Variants in GPC5 observed in about 807,000 individuals in gnomAD.
GPC5 encodes the protein glypican-5.
A neutral mutation model predicts 53.9 loss-of-function variants in GPC5; 47 were observed. That is an observed-to-expected ratio of 0.87 (90% CI 0.69 to 1.11). The LOEUF is 1.11. GPC5 is among the 50% of genes most tolerant of loss of function. GPC5 has a pLI of 0.00. For missense variants in GPC5, 748 were observed against 713.1 expected (o/e 1.05, Z -0.56); for synonymous variants, 286 against 263.3 (o/e 1.09, Z -0.84).
intron 3 of GPC5, among the ~76,000 whole-genome samples, chr13:91,721,515 G>A (rs1218340063): frequency 6.6e-6 from 1 of 152,114 alleles, no homozygotes; most frequent in Non-Finnish European, 1.5e-5. Context: ...ACATAAAAGA[G>A]ATCATGTTAC....
chr13:92,588,171 C>T (rs543461072), intron 7 of GPC5, among the ~76,000 whole-genome samples: 37 of 152,050 alleles, frequency 2.4e-4, no homozygotes, highest in Admixed American at 6.5e-4. Flanking sequence ...TGAGAACATG[C>T]GGTGTTTGGT....
chr13:92,281,684 G>T (rs1026227845), intron 7 of GPC5, among the ~76,000 whole-genome samples: 11 of 152,196 alleles, frequency 7.2e-5, no homozygotes, highest in Non-Finnish European at 1.2e-4. Flanking sequence ...GCAGCTGAGG[G>T]TCCTGACTGT....
At chr13:91,853,126 A>G (rs1344711606) in intron 5 of GPC5, among the ~76,000 whole-genome samples, 6 of 152,136 alleles carry the variant, frequency 3.9e-5, no homozygotes. Flanking sequence ...AATGTATTGA[A>G]TGGTAAATTA....
intron 2 of GPC5, among the ~76,000 whole-genome samples, chr13:91,473,426 A>G (rs539582436): frequency 6.6e-6 from 1 of 152,290 alleles, no homozygotes; most frequent in African/African-American, 2.4e-5. Flanking sequence ...GAGGAGAAAT[A>G]TAACATGGTT....
intron 7 of GPC5, among the ~76,000 whole-genome samples, chr13:92,152,073 T>G (rs180705322): frequency 1.1e-4 from 17 of 152,236 alleles, no homozygotes; most frequent in African/African-American, 3.4e-4. Flanking sequence ...AACAGAATTA[T>G]TTAAATTACT....
rs1046624506 is a variant in GPC5, at chr13:92,363,555, A to T, written c.1561+218566A>T. Among the ~76,000 whole-genome samples the T allele has an allele frequency of 9.2e-5, 14 of 151,798 alleles. 1 individual carries two copies. Among genetic ancestry groups the T allele is most frequent in the Admixed American group, 7.9e-4 (12 of 15,272 alleles). The stretch of plus-strand genomic sequence containing the variant: ...AATCAAATTCTGCTGCTGATCTAAC[A>T]TGAGGTGGAGAGCTCAGTGGATAAT... On this transcript the variant is annotated intron_variant, in intron 7 of 7. Coordinates refer to ENST00000377067, the MANE Select transcript of GPC5 (RefSeq NM_004466.6).
At chr13:91,958,624 G>A (rs2040096692) in intron 6 of GPC5, among the ~76,000 whole-genome samples, 1 of 151,908 alleles carries the variant, frequency 6.6e-6, no homozygotes, top group African/African-American at 2.4e-5. Flanking sequence ...CATATGTTAG[G>A]ACATGAAAGA....
At chr13:92,137,499 G>A (rs1177102179) in intron 6 of GPC5, among the ~76,000 whole-genome samples, 3 of 152,094 alleles carry the variant, frequency 2.0e-5, no homozygotes, top group Non-Finnish European at 4.4e-5. Context: ...TGGTTATAAC[G>A]ATCTTAATGA....
intron 7 of GPC5, among the ~76,000 whole-genome samples, chr13:92,147,877 A>G (rs186986923): frequency 6.6e-6 from 1 of 152,026 alleles, no homozygotes; most frequent in Non-Finnish European, 1.5e-5. Context: ...TCACATTTCT[A>G]TTTTTATAAA....
chr13:92,603,675 A>G (rs559715931), intron 7 of GPC5, among the ~76,000 whole-genome samples: 89 of 152,296 alleles, frequency 5.8e-4, no homozygotes, highest in African/African-American at 2.1e-3. Context: ...CCCAACAACA[A>G]TGGACTTGGA....
intron 7 of GPC5, among the ~76,000 whole-genome samples, chr13:92,700,507 C>T (rs896732768): frequency 2.0e-5 from 3 of 151,830 alleles, no homozygotes; most frequent in Non-Finnish European, 4.4e-5. Context: ...ATTATTTTGC[C>T]CACTAGTTGA....
chr13:92,856,992 G>T (rs1385907018), intron 7 of GPC5, among the ~76,000 whole-genome samples: 1 of 151,660 alleles, frequency 6.6e-6, no homozygotes, highest in Non-Finnish European at 1.5e-5. Context: ...AATTTATATG[G>T]AACAAAAAAA....
intron 6 of GPC5, among the ~76,000 whole-genome samples, chr13:92,041,082 C>T (rs2040938342): frequency 6.6e-6 from 1 of 152,032 alleles, no homozygotes; most frequent in Admixed American, 6.5e-5. Flanking sequence ...GAACTCCTGA[C>T]CTCAGGTGAT....
At chr13:91,809,581 T>C (rs1293023225) in intron 5 of GPC5, among the ~76,000 whole-genome samples, 4 of 152,234 alleles carry the variant, frequency 2.6e-5, no homozygotes, top group Admixed American at 2.6e-4. Context: ...TTCTCAGCTA[T>C]ATTGCTTACT....
rs1485058372 is a variant in GPC5, at chr13:91,571,904, T to TGTGTGTG, written c.326-121283_326-121282insGTGTGTG. Among the ~76,000 whole-genome samples the TGTGTGTG allele has an allele frequency of 1.1e-4, 7 of 62,750 alleles. 1 individual carries two copies. In the South Asian group the frequency reaches 2.6e-3, roughly 23 times the overall value. 41.2% of individuals were successfully genotyped at this position (62,750 alleles called of 152,430 possible). On this transcript the variant is annotated intron_variant, in intron 2 of 7. Coordinates refer to ENST00000377067, the MANE Select transcript of GPC5 (RefSeq NM_004466.6). ...ACATATACGTGTGTATATACACATA[T>TGTGTGTG]TGTATATATACACATATTGTATATA...
intron 7 of GPC5, among the ~76,000 whole-genome samples, chr13:92,756,167 T>A (rs1874856314): frequency 6.6e-6 from 1 of 152,112 alleles, no homozygotes; most frequent in Non-Finnish European, 1.5e-5. Flanking sequence ...GATGCAAGGC[T>A]GGTTCATTAT....
intron 7 of GPC5, among the ~76,000 whole-genome samples, chr13:92,318,341 A>G (rs2043193521): frequency 6.6e-6 from 1 of 152,132 alleles, no homozygotes; most frequent in Non-Finnish European, 1.5e-5. Flanking sequence ...GGCTGATCTC[A>G]AATTTCCAAC....
rs903409249 is a variant in GPC5, at chr13:92,378,920, A to C, written c.1561+233931A>C. 3.3e-5 allele frequency among the ~76,000 whole-genome samples: 5 copies of C among 152,320 alleles called. No individual in the cohort carries two copies. The South Asian group carries it at 1.0e-3, about 32-fold the overall frequency. On this transcript the variant is annotated intron_variant, in intron 7 of 7. Coordinates refer to ENST00000377067, the MANE Select transcript of GPC5 (RefSeq NM_004466.6). ...GCTCTAACTTTCTGCAGTGCCATAT[A>C]ATAGAACTGCCAGTCTCTAATCATA... is the stretch of plus-strand genomic sequence containing the variant.
chr13:92,663,895 TATATATATAC>T (rs1318933105), intron 7 of GPC5, among the ~76,000 whole-genome samples: 13 of 20,176 alleles, frequency 6.4e-4, no homozygotes, highest in African/African-American at 1.3e-3. Flanking sequence ...TATATATATA[TATATATATAC>T]ACACACACAC....
Sources: allele counts gnomAD v4.1 joint callset (sites outside exome capture counted in the v4.1 genomes callset), GRCh38; gene constraint gnomAD v4.1.1; transcripts MANE v1.5; gene names NCBI Gene and HGNC (gene_info 2026-07-23, HGNC 2026-07-21).